ADGRV1: variants seen among roughly 807,000 people sequenced by gnomAD.
The protein encoded by ADGRV1 is G-protein coupled receptor 98.
In ADGRV1, 359 loss-of-function variants were observed where a neutral mutation model predicts 596.2. The observed-to-expected ratio is 0.60, with a 90% CI of 0.55 to 0.66. The LOEUF is 0.66. Ranked by LOEUF, ADGRV1 falls within the 30% of genes least tolerant of loss-of-function variation. The pLI, the probability that ADGRV1 is intolerant of heterozygous loss-of-function variation, is 0.00. For missense variants in ADGRV1, 7,274 were observed against 7,575.6 expected (o/e 0.96, Z 1.48); for synonymous variants, 2,681 against 2,679.2 (o/e 1.00, Z -0.02).
intron 87 of ADGRV1, among the ~76,000 whole-genome samples, chr5:91,111,438 A>G (rs184055038): frequency 9.8e-5 from 15 of 152,298 alleles, no homozygotes; most frequent in African/African-American, 3.6e-4. Context: ...TCCCAAATGG[A>G]ATATTGGATC....
At chr5:91,045,218 A>G (rs1308015201) in intron 85 of ADGRV1, among the ~76,000 whole-genome samples, 2 of 152,160 alleles carry the variant, frequency 1.3e-5, no homozygotes, top group Non-Finnish European at 2.9e-5. Flanking sequence ...TACCAAGACC[A>G]GGAAAGGACA....
intron 89 of ADGRV1, among the ~76,000 whole-genome samples, chr5:91,162,984 G>C (rs935294501): frequency 3.3e-5 from 5 of 152,134 alleles, no homozygotes; most frequent in Admixed American, 2.6e-4. Flanking sequence ...TGTGTGTGTA[G>C]AGAGGATGAG....
chr5:91,025,251 G>A (rs1178635676), intron 85 of ADGRV1, among the ~76,000 whole-genome samples: 1 of 151,854 alleles, frequency 6.6e-6, no homozygotes, highest in Non-Finnish European at 1.5e-5. Context: ...AATATAACTT[G>A]CATAAAAATC....
At chr5:90,951,365 T>C (rs961228914) in intron 83 of ADGRV1, among the ~76,000 whole-genome samples, 18 of 152,326 alleles carry the variant, frequency 1.2e-4, no homozygotes, top group African/African-American at 4.3e-4. Context: ...ATTACATTTC[T>C]GTAATTATTG....
In ADGRV1 at chr5:90,724,838, T is replaced by G; in HGVS notation, c.9755T>G (p.Met3252Arg). 1 of 1,613,172 alleles carries G rather than the reference T, an allele frequency of 6.2e-7. No homozygotes were observed. Residue 3252 changes from methionine to arginine, a missense_variant, in exon 46 of 90, where the codon ATG becomes AGG. By Grantham distance (91) the Met-to-Arg change is moderately conservative. Transcript: ENST00000405460. Reference sequence around the variant, plus strand: ...CATGATTTGTGTTTTTCAGGGGGAATGGATGTTGTGTTTTCCGTATTTCAA... The same window carrying G: ...CATGATTTGTGTTTTTCAGGGGGAAGGGATGTTGTGTTTTCCGTATTTCAA... ...VSETAFGMRG[M>R]DVVFSVFQSF...
chr5:90,749,416 G>A (rs1389919546), intron 52 of ADGRV1, among the ~76,000 whole-genome samples: 1 of 152,160 alleles, frequency 6.6e-6, no homozygotes, highest in African/African-American at 2.4e-5. Flanking sequence ...AATAAATTAT[G>A]TGCATATTTT....
intron 76 of ADGRV1, among the ~76,000 whole-genome samples, chr5:90,825,448 A>G (rs910918763): frequency 5.9e-5 from 9 of 152,208 alleles, no homozygotes; most frequent in African/African-American, 2.2e-4. Context: ...AAATTAGAAT[A>G]TGGTTTTGCA....
chr5:90,893,694 A>G (rs1254027149), intron 83 of ADGRV1, among the ~76,000 whole-genome samples: 2 of 152,238 alleles, frequency 1.3e-5, no homozygotes, highest in Non-Finnish European at 2.9e-5. Flanking sequence ...ACAAAAGAGA[A>G]CCATCTTTAT....
chr5:90,924,887 G>A (rs1285397416), intron 83 of ADGRV1, among the ~76,000 whole-genome samples: 2 of 151,800 alleles, frequency 1.3e-5, no homozygotes, highest in Non-Finnish European at 2.9e-5. Context: ...TATTAAATAG[G>A]GAATCCTTTC....
chr5:90,592,554 T>TAGACATGA (rs1193508337), intron 1 of ADGRV1, among the ~76,000 whole-genome samples: 2 of 152,222 alleles, frequency 1.3e-5, no homozygotes, highest in Non-Finnish European at 2.9e-5. Context: ...TTTGGTGTTT[T>TAGACATGA]AGACATGAAG....
chr5:91,044,222 C>G (rs998522938), intron 85 of ADGRV1, among the ~76,000 whole-genome samples: 3 of 152,068 alleles, frequency 2.0e-5, no homozygotes, highest in African/African-American at 7.2e-5. Flanking sequence ...GAACACTAAG[C>G]TCATATGAAA....
intron 21 of ADGRV1, among the ~76,000 whole-genome samples, chr5:90,662,018 C>A (rs1024046308): frequency 6.6e-6 from 1 of 151,840 alleles, no homozygotes. Context: ...CAATCTCTGG[C>A]TAGGGGAGAG....
intron 45 of ADGRV1, among the ~76,000 whole-genome samples, chr5:90,721,473 C>T (rs1467980525): frequency 6.8e-6 from 1 of 148,088 alleles, no homozygotes; most frequent in African/African-American, 2.5e-5. Flanking sequence ...CACTGCACTC[C>T]AGCCTGGTCA....
chr5:90,686,904 A>G (rs6452903), intron 29 of ADGRV1, among the ~76,000 whole-genome samples: 111,304 of 151,968 alleles, frequency 0.73, 41,799 homozygotes, highest in African/African-American at 0.9. Context: ...AATGGCTGCC[A>G]TTCTAACTGG....
chr5:91,109,413 G>A (rs897217584), intron 87 of ADGRV1, among the ~76,000 whole-genome samples: 2 of 152,172 alleles, frequency 1.3e-5, no homozygotes, highest in Admixed American at 1.3e-4. Flanking sequence ...TCCCCATGAT[G>A]TGAGGTTAAC....
intron 83 of ADGRV1, among the ~76,000 whole-genome samples, chr5:90,961,109 G>T (rs1019152788): frequency 6.6e-6 from 1 of 152,020 alleles, no homozygotes; most frequent in Non-Finnish European, 1.5e-5. Flanking sequence ...CATTATAAAT[G>T]CTCGATAACA....
chr5:90,700,773 C>T (rs551754530), intron 34 of ADGRV1, among the ~76,000 whole-genome samples: 31 of 152,254 alleles, frequency 2.0e-4, no homozygotes, highest in Admixed American at 1.9e-3. Flanking sequence ...TGACAGTCTG[C>T]TTCACATTAT....
Position 90,674,243 on chromosome 5 carries a change from C to G in ADGRV1, c.5110+9C>G. 6.4e-7 allele frequency: 1 copy of G among 1,552,328 alleles called. No homozygotes were observed. Among genetic ancestry groups the G allele is most frequent in the Non-Finnish European group, 8.7e-7 (1 of 1,151,350 alleles). On this transcript the variant is annotated intron_variant, in intron 23 of 89. Transcript: ENST00000405460. Reference sequence around the variant, plus strand: ...TAGTGATCATCCATATGGTAACCTGCTCCTTTTGCAAGAAAAATCCTCTCT... The same window carrying G: ...TAGTGATCATCCATATGGTAACCTGGTCCTTTTGCAAGAAAAATCCTCTCT...
At chr5:91,135,925 A>G (rs1034763075) in intron 87 of ADGRV1, among the ~76,000 whole-genome samples, 1 of 152,202 alleles carries the variant, frequency 6.6e-6, no homozygotes, top group Admixed American at 6.5e-5. Context: ...GTTGATACTT[A>G]ACTGATAAGT....
Sources: gnomAD v4.1 joint callset for allele counts (sites outside exome capture counted in the v4.1 genomes callset) on GRCh38, gnomAD v4.1.1 for gene constraint, MANE v1.5 for transcripts, NCBI Gene and HGNC (gene_info 2026-07-23, HGNC 2026-07-21) for gene names.